Variants in CLUL1 observed in about 807,000 individuals in gnomAD.
CLUL1 encodes clusterin like 1, also known as clusterin-like protein 1.
A neutral mutation model predicts 49.4 loss-of-function variants in CLUL1; 43 were observed. The observed-to-expected ratio is 0.87, with a 90% CI of 0.68 to 1.12. The LOEUF (loss-of-function observed/expected upper bound fraction) is 1.12, where lower values mean the gene tolerates loss of function less well. Ranked by LOEUF, CLUL1 falls within the 50% of genes most tolerant of loss-of-function variation. CLUL1 has a pLI of 0.00. For synonymous variants in CLUL1, 192 were observed against 184.9 expected, an observed-to-expected ratio of 1.04 and a Z score of -0.31; for missense variants, 486 against 544.4, an observed-to-expected ratio of 0.89 and a Z score of 1.07.
intron 7 of CLUL1, among the ~76,000 whole-genome samples, chr18:639,523 T>C (rs2074274741): frequency 1.3e-5 from 2 of 151,032 alleles, no homozygotes; most frequent in Admixed American, 6.6e-5. Flanking sequence ...CCCAGCACTT[T>C]GGGAGGCCAA....
chr18:641,337 T>C lies in CLUL1; in HGVS notation c.1005T>C (p.Asp335=). 2 of 1,614,214 alleles carry C rather than the reference T, an allele frequency of 1.2e-6. No individual in the cohort carries two copies. Among genetic ancestry groups the C allele is most frequent in the Non-Finnish European group, 1.7e-6 (2 of 1,180,036 alleles). The change falls in exon 8 of 10, where the codon GAT becomes GAC. Residue 335 remains aspartate (D), a synonymous_variant. Coordinates refer to ENST00000692774, the MANE Select transcript of CLUL1 (RefSeq NM_001393344.1). ...CQAHLSEDCP[D]VPALHTELDE... ...TTTCTTCTCTGCTAGACTGTCCTGATGTACCTGCTCTGCACACAGAATTAG... is the reference window on the plus strand; with the variant it reads ...TTTCTTCTCTGCTAGACTGTCCTGACGTACCTGCTCTGCACACAGAATTAG...
At chr18:600,877 T>C (rs1335067681) in intron 1 of CLUL1, among the ~76,000 whole-genome samples, 1 of 152,180 alleles carries the variant, frequency 6.6e-6, no homozygotes, top group Non-Finnish European at 1.5e-5. Flanking sequence ...AAAATCTACA[T>C]TTTAAAAAAT....
At chr18:623,106 C>T (rs964023493) in intron 4 of CLUL1, among the ~76,000 whole-genome samples, 2 of 151,226 alleles carry the variant, frequency 1.3e-5, no homozygotes, top group African/African-American at 4.9e-5. Flanking sequence ...GATCTTGGCT[C>T]ACTGCAACCT....
intron 6 of CLUL1, among the ~76,000 whole-genome samples, chr18:630,965 A>G (rs1412282048): frequency 6.6e-6 from 1 of 151,934 alleles, no homozygotes; most frequent in Non-Finnish European, 1.5e-5. Context: ...GTGCTGTTTC[A>G]AGCCACTGAA....
intron 1 of CLUL1, among the ~76,000 whole-genome samples, chr18:600,017 T>A (rs562168105): frequency 6.6e-6 from 1 of 152,224 alleles, no homozygotes; most frequent in African/African-American, 2.4e-5. Flanking sequence ...TAGTAGCACA[T>A]CACATAGGCT....
chr18:632,586 G>A (rs1208071472), intron 6 of CLUL1, among the ~76,000 whole-genome samples: 1 of 151,950 alleles, frequency 6.6e-6, no homozygotes, highest in Admixed American at 6.6e-5. Context: ...AATGATATAA[G>A]ACAAATGATT....
At chr18:609,101 C>T (rs571640553) in intron 2 of CLUL1, among the ~76,000 whole-genome samples, 43 of 152,220 alleles carry the variant, frequency 2.8e-4, no homozygotes, top group African/African-American at 9.6e-4. Context: ...TACATCTAAA[C>T]ACAAAATTCA....
At chr18:643,062 A>G (rs144133094) in intron 8 of CLUL1, among the ~76,000 whole-genome samples, 3,402 of 152,334 alleles carry the variant, frequency 0.022, 71 homozygotes, top group East Asian at 0.11. Flanking sequence ...GCTGTGGATC[A>G]TGCCTGATTT....
chr18:644,901 C>T lies in CLUL1; in HGVS notation c.1210-9C>T, dbSNP rs1229363405. The stretch of plus-strand genomic sequence containing the variant: ...AGTAAACTTCTACTGTATAATCCTT[C>T]TTCTGTAGGTAGTTCCAAGGATTCA... On this transcript the variant is annotated splice_polypyrimidine_tract_variant and intron_variant, in intron 8 of 9. Coordinates refer to ENST00000692774, the MANE Select transcript of CLUL1 (RefSeq NM_001393344.1). 6.3e-7 allele frequency: 1 copy of T among 1,596,072 alleles called. No homozygotes were observed. The highest frequency in any genetic ancestry group is 2.2e-5 in the East Asian group (1 of 44,678).
chr18:600,238 A>G (rs1352655371), intron 1 of CLUL1, among the ~76,000 whole-genome samples: 3 of 152,158 alleles, frequency 2.0e-5, no homozygotes, highest in Non-Finnish European at 2.9e-5. Flanking sequence ...TAAATACTAC[A>G]TATTGGCTAA....
intron 1 of CLUL1, chr18:598,400 G>C (rs564206953): frequency 5.1e-6 from 2 of 394,244 alleles, no homozygotes; most frequent in Non-Finnish European, 8.9e-6. Context: ...CCAGTGTAAA[G>C]GGTCTGAATT....
intron 4 of CLUL1, among the ~76,000 whole-genome samples, chr18:621,064 C>T (rs565003767): frequency 2.0e-5 from 3 of 152,112 alleles, no homozygotes; most frequent in East Asian, 3.9e-4. Context: ...TTAAGTGTAA[C>T]GTTCAGTAGT....
rs569837902 is a variant in CLUL1 at position 645,108 on chromosome 18, T to A, written c.1397+11T>A. ...ACATTTTAAAACCTGGTAAGCAGAG[T>A]GCCTGGTTAGGAATGCCTTGTTGAC... On this transcript the variant is annotated intron_variant, in intron 9 of 9. Coordinates refer to ENST00000692774, the MANE Select transcript of CLUL1 (RefSeq NM_001393344.1). 3.8e-6 allele frequency: 6 copies of A among 1,571,050 alleles called. No homozygotes were observed. The African/African-American group carries it at 7.0e-5, about 18-fold the overall frequency.
intron 2 of CLUL1, among the ~76,000 whole-genome samples, chr18:607,873 ACTT>A (rs1834248257): frequency 6.6e-6 from 1 of 151,872 alleles, no homozygotes; most frequent in South Asian, 2.1e-4. Context: ...TGGCTCTAAA[ACTT>A]CTTCTGTGCC....
chr18:604,281 A>G (rs1474351266), intron 1 of CLUL1, among the ~76,000 whole-genome samples: 1 of 152,234 alleles, frequency 6.6e-6, no homozygotes, highest in African/African-American at 2.4e-5. Context: ...TGGAGGTGCT[A>G]GAGTTTATTC....
intron 1 of CLUL1, among the ~76,000 whole-genome samples, chr18:599,444 T>G (rs2072756517): frequency 6.6e-6 from 1 of 152,244 alleles, no homozygotes; most frequent in Non-Finnish European, 1.5e-5. Flanking sequence ...CAGTAGAAGA[T>G]GCTTAATAAA....
chr18:600,469 ACAG>A (rs1487767821), intron 1 of CLUL1, among the ~76,000 whole-genome samples: 25 of 152,364 alleles, frequency 1.6e-4, no homozygotes, highest in Non-Finnish European at 3.5e-4. Flanking sequence ...GGTCCGTGGT[ACAG>A]TAGTTGTGTC....
At chr18:640,497 T>C (rs2074314055) in intron 7 of CLUL1, among the ~76,000 whole-genome samples, 1 of 152,202 alleles carries the variant, frequency 6.6e-6, no homozygotes, top group Admixed American at 6.5e-5. Context: ...GGATAATTTT[T>C]CTTTTTTAAC....
rs1416419938 is a variant in CLUL1, at chr18:641,308, T to G, written c.995-19T>G. On this transcript the variant is annotated intron_variant, in intron 7 of 9. Coordinates refer to ENST00000692774, the MANE Select transcript of CLUL1 (RefSeq NM_001393344.1). ...TTCATGGACTTTTTCCTTCTCCACA[T>G]TACTTTCTTCTCTGCTAGACTGTCC... The G allele has an allele frequency of 1.9e-6, 3 of 1,610,732 alleles. No homozygotes were observed. The African/African-American group carries it at 4.0e-5, about 21-fold the overall frequency.
Sources: gnomAD v4.1 joint callset for allele counts (sites outside exome capture counted in the v4.1 genomes callset) on GRCh38, gnomAD v4.1.1 for gene constraint, MANE v1.5 for transcripts, NCBI Gene and HGNC (gene_info 2026-07-23, HGNC 2026-07-21) for gene names.